BACH2: variants seen among roughly 807,000 people sequenced by gnomAD.
The protein encoded by BACH2 is transcription regulator protein BACH2.
In BACH2, 5 loss-of-function variants were observed where a neutral mutation model predicts 61.8. That is an observed-to-expected ratio of 0.08 (90% confidence interval 0.04 to 0.17). The LOEUF is 0.17. BACH2 is among the 10% of genes least tolerant of loss of function. BACH2 has a pLI of 1.00. For synonymous variants in BACH2, 446 were observed against 440.1 expected (o/e 1.01, Z -0.17); for missense variants, 824 against 1,091.1 (o/e 0.76, Z 3.45).
chr6:90,228,362 AG>A (rs1472330005), intron 3 of BACH2, among the ~76,000 whole-genome samples: 1 of 152,242 alleles, frequency 6.6e-6, no homozygotes, highest in Non-Finnish European at 1.5e-5. Flanking sequence ...AAAGAACCAT[AG>A]GTGGATTATT....
chr6:90,283,348 C>CA (rs778274832), intron 1 of BACH2, among the ~76,000 whole-genome samples: 5 of 151,644 alleles, frequency 3.3e-5, no homozygotes, highest in Non-Finnish European at 5.9e-5. Flanking sequence ...CTTTTTTTTC[C>CA]AACAATAAGT....
intron 4 of BACH2, among the ~76,000 whole-genome samples, chr6:90,103,029 A>ATATTTTTTTTTTTTT: frequency 9.5e-5 from 2 of 21,164 alleles, no homozygotes; most frequent in Non-Finnish European, 1.6e-4. Flanking sequence ...ATATATATAT[A>ATATTTTTTTTTTTTT]TTTTTTTTTT....
intron 4 of BACH2, among the ~76,000 whole-genome samples, chr6:90,099,837 A>G (rs1462981747): frequency 7.3e-6 from 1 of 137,194 alleles, no homozygotes; most frequent in Non-Finnish European, 1.7e-5. Flanking sequence ...GTTTTTTAGT[A>G]TATTCACAGA....
At chr6:90,291,017 C>G (rs923156551) in intron 1 of BACH2, among the ~76,000 whole-genome samples, 1 of 152,130 alleles carries the variant, frequency 6.6e-6, no homozygotes, top group Non-Finnish European at 1.5e-5. Flanking sequence ...AGCGCCGGCT[C>G]TCATCACATC....
chr6:89,968,324 A>C (rs1487273236), intron 6 of BACH2, among the ~76,000 whole-genome samples: 1 of 152,252 alleles, frequency 6.6e-6, no homozygotes, highest in Non-Finnish European at 1.5e-5. Context: ...TGTTATCTGA[A>C]TATTCCACTG....
chr6:90,024,763 C>T (rs1362523323), intron 5 of BACH2, among the ~76,000 whole-genome samples: 3 of 152,116 alleles, frequency 2.0e-5, no homozygotes, highest in Non-Finnish European at 4.4e-5. Flanking sequence ...GAAGACCCAT[C>T]CAATAACAGT....
intron 1 of BACH2, among the ~76,000 whole-genome samples, chr6:90,280,786 G>T (rs1771837070): frequency 6.6e-6 from 1 of 152,146 alleles, no homozygotes; most frequent in South Asian, 2.1e-4. Flanking sequence ...CTCTGCTTGG[G>T]CATCTCCAGT....
At chr6:90,156,059 G>A (rs915950108) in intron 4 of BACH2, among the ~76,000 whole-genome samples, 3 of 152,064 alleles carry the variant, frequency 2.0e-5, no homozygotes, top group Non-Finnish European at 4.4e-5. Context: ...AGGGAGTTCC[G>A]CTATCTGATG....
chr6:90,093,000 C>T (rs1364170198), intron 4 of BACH2, among the ~76,000 whole-genome samples: 1 of 152,082 alleles, frequency 6.6e-6, no homozygotes, highest in African/African-American at 2.4e-5. Flanking sequence ...TTGAGCAGCC[C>T]CCAACTCCCA....
chr6:90,107,368 C>T (rs999319361), intron 4 of BACH2, among the ~76,000 whole-genome samples: 3 of 150,978 alleles, frequency 2.0e-5, no homozygotes, highest in South Asian at 2.1e-4. Flanking sequence ...AAGACTCTGT[C>T]TCAAAAAAAA....
At chr6:89,979,883 G>A (rs1000863539) in intron 6 of BACH2, among the ~76,000 whole-genome samples, 2 of 152,164 alleles carry the variant, frequency 1.3e-5, no homozygotes, top group South Asian at 2.1e-4. Context: ...CTGGGCTACC[G>A]AAAATGTAAC....
At chr6:90,068,203 T>C (rs1192762305) in intron 5 of BACH2, among the ~76,000 whole-genome samples, 4 of 152,170 alleles carry the variant, frequency 2.6e-5, no homozygotes, top group African/African-American at 7.2e-5. Context: ...TCAGAGCTTT[T>C]AAAAAATTGT....
intron 1 of BACH2, among the ~76,000 whole-genome samples, chr6:90,274,576 C>T (rs1167416651): frequency 6.6e-6 from 1 of 152,154 alleles, no homozygotes; most frequent in Admixed American, 6.5e-5. Flanking sequence ...ACAGCCGCCC[C>T]CACCTGACCA....
intron 5 of BACH2, among the ~76,000 whole-genome samples, chr6:90,013,467 C>T (rs372831095): frequency 2.7e-5 from 4 of 147,614 alleles, no homozygotes; most frequent in African/African-American, 9.9e-5. Context: ...CCCCTTCCTT[C>T]CCTCCCCTCC....
At chr6:90,247,957 T>C (rs372252201) in intron 3 of BACH2, among the ~76,000 whole-genome samples, 16 of 152,252 alleles carry the variant, frequency 1.1e-4, no homozygotes, top group African/African-American at 3.9e-4. Context: ...TACTCTCTTA[T>C]ATGTTATACT....
chr6:90,151,667 T>C (rs1412401936), intron 4 of BACH2, among the ~76,000 whole-genome samples: 1 of 152,240 alleles, frequency 6.6e-6, no homozygotes, highest in East Asian at 1.9e-4. Context: ...GTAGGAACTA[T>C]GTGATTTTCA....
At chr6:89,990,186 T>C (rs1039358624) in intron 6 of BACH2, among the ~76,000 whole-genome samples, 5 of 152,094 alleles carry the variant, frequency 3.3e-5, no homozygotes, top group Admixed American at 1.3e-4. Context: ...CTACAGCAGC[T>C]CCATGTGGGG....
chr6:90,202,239 G>GATA (rs1036070546), intron 4 of BACH2, among the ~76,000 whole-genome samples: 1 of 152,164 alleles, frequency 6.6e-6, no homozygotes, highest in Admixed American at 6.5e-5. Flanking sequence ...GAGAGGCAGG[G>GATA]ATAATAAAGT....
chr6:90,260,293 T>C (rs1771115676), intron 2 of BACH2, among the ~76,000 whole-genome samples: 3 of 152,244 alleles, frequency 2.0e-5, no homozygotes, highest in Admixed American at 2.0e-4. Context: ...TATCTTTTAA[T>C]TTCTTCTTTG....
Sources: gnomAD v4.1 joint callset for allele counts (sites outside exome capture counted in the v4.1 genomes callset) on GRCh38, gnomAD v4.1.1 for gene constraint, MANE v1.5 for transcripts, NCBI Gene and HGNC (gene_info 2026-07-23, HGNC 2026-07-21) for gene names.